NSD3: variants seen among roughly 807,000 people sequenced by gnomAD.
The protein encoded by NSD3 is nuclear receptor binding SET domain protein 3.
In NSD3, 24 loss-of-function variants were observed where a neutral mutation model predicts 160.8. That is an observed-to-expected ratio of 0.15 (90% CI 0.11 to 0.21). NSD3 has a LOEUF of 0.21. Among genes scored for constraint, NSD3 ranks in the 10% least tolerant of loss-of-function variants. The probability of loss-of-function intolerance (pLI) is 1.00; values close to 1 mark genes in which losing one functional copy is unlikely to be tolerated. For synonymous variants in NSD3, 520 were observed against 600.0 expected, an observed-to-expected ratio of 0.87 and a Z score of 1.95; for missense variants, 1,157 against 1,735.9, an observed-to-expected ratio of 0.67 and a Z score of 5.93.
chr8:38,303,488 T>C (rs192000116), intron 14 of NSD3: 74 of 695,092 alleles, frequency 1.1e-4, no homozygotes, highest in Non-Finnish European at 1.3e-4. Context: ...TAGTGTCTAC[T>C]ACAGACCCTG....
Position 38,319,266 on chromosome 8 carries a change from C to G in NSD3, c.1810-326G>C, listed in dbSNP as rs566942542. On this transcript the variant is annotated intron_variant, in intron 8 of 23. Transcript: ENST00000317025. This position sits in a 1 kb window ranked among gnomAD's most constrained non-coding sequence, Gnocchi z 4.1. ...GGCAGGAGAGGGGTTGTTTCTGCAACCGGCCCCAATGTTGCTAAAAACCCC... is the reference window on the plus strand; with the variant it reads ...GGCAGGAGAGGGGTTGTTTCTGCAAGCGGCCCCAATGTTGCTAAAAACCCC... 1 of 219,402 alleles carries G rather than the reference C, an allele frequency of 4.6e-6. No individual in the cohort carries two copies. Among genetic ancestry groups the G allele is most frequent in the South Asian group, 1.3e-4 (1 of 7,644 alleles). 13.6% of individuals were successfully genotyped at this position (219,402 alleles called of 1,614,324 possible). A position where few individuals can be genotyped will look rare whatever the true frequency, so the allele number is the denominator to read the frequency against.
intron 1 of NSD3, among the ~76,000 whole-genome samples, chr8:38,366,077 C>T (rs1015029814): frequency 2.1e-5 from 3 of 139,560 alleles, no homozygotes; most frequent in East Asian, 2.1e-4. Flanking sequence ...CACCTCTGCA[C>T]GCCAGTCTGG....
chr8:38,313,696 G>A (rs1585878275), intron 12 of NSD3, among the ~76,000 whole-genome samples: 2 of 151,730 alleles, frequency 1.3e-5, no homozygotes, highest in East Asian at 3.9e-4. Context: ...GCTGAGGCAG[G>A]AGAATGGCGT....
Position 38,288,556 on chromosome 8 carries a change from GT to G in NSD3, c.3431del (p.Tyr1144SerfsTer28). The G allele has an allele frequency of 6.2e-7, 1 of 1,614,134 alleles. No individual in the cohort carries two copies. The highest frequency in any genetic ancestry group is 8.5e-7 in the Non-Finnish European group (1 of 1,180,036). On this transcript the variant is annotated frameshift_variant, in exon 19 of 24. Transcript: ENST00000317025. LOFTEE classifies it high-confidence loss of function. This position sits in a 1 kb window ranked among gnomAD's most constrained non-coding sequence, Gnocchi z 4.5. ...CQNQCFTKRLYPDAEIIKTER... is the reference protein window; with the variant it reads ...CQNQCFTKRLXPDAEIIKTER... ...CCGTTTTGATGATCTCTGCATCAGG[GT>G]ATAGTCTCTTTGTAAAGCACTGGTT...
In NSD3 at chr8:38,348,160, A is replaced by T; in HGVS notation, c.12T>A (p.Ser4=). The T allele has an allele frequency of 6.3e-7, 1 of 1,588,464 alleles. No individual in the cohort carries two copies. Among genetic ancestry groups the T allele is most frequent in the East Asian group, 2.2e-5 (1 of 44,692 alleles). Residue 4 remains serine, a synonymous_variant, in exon 2 of 24, where the codon TCT becomes TCA. Coordinates refer to ENST00000317025, the MANE Select transcript of NSD3 (RefSeq NM_023034.2). The stretch of plus-strand genomic sequence containing the variant: ...CCATGATCCCTTGCATGAAAGAGAA[A>T]GAGAAATCCATTGTTCTGCTCCAGC... MDF[S]FSFMQGIMGN...
At chr8:38,293,009 G>T (rs576381630) in intron 16 of NSD3, among the ~76,000 whole-genome samples, 19 of 151,488 alleles carry the variant, frequency 1.3e-4, no homozygotes, top group African/African-American at 4.6e-4. Flanking sequence ...GTCATGGCAT[G>T]CATCTGTAAT....
chr8:38,322,425 T>C (rs934386789), intron 7 of NSD3, among the ~76,000 whole-genome samples: 12 of 152,026 alleles, frequency 7.9e-5, no homozygotes, highest in African/African-American at 2.7e-4. Context: ...CAGACCAACC[T>C]GAGGATCCGA....
rs2130979460 is a variant in NSD3 at position 38,276,383 on chromosome 8, C to G, written c.3985G>C (p.Asp1329His). Residue 1329 changes from aspartate to histidine, a missense_variant, in exon 23 of 24, where the codon GAT (aspartate) becomes CAT (histidine). This residue lies in a region of NSD3 where 222 missense variants were observed against 409.9 expected (regional missense o/e 0.54). Transcript: ENST00000317025. ...TCACACATGACCAGCTCTCCACCAT[C>G]TCCACATTGAAAACAGTAATCTTCA... Reference protein sequence around the residue: ...MHEDYCFQCGDGGELVMCDKK... With the variant: ...MHEDYCFQCGHGGELVMCDKK... 6.2e-7 allele frequency: 1 copy of G among 1,614,252 alleles called. No homozygotes were observed. Among genetic ancestry groups the G allele is most frequent in the South Asian group, 1.1e-5 (1 of 91,090 alleles).
Position 38,281,902 on chromosome 8 carries a change from C to T in NSD3, c.3502-319G>A, listed in dbSNP as rs192298158. Among the ~76,000 whole-genome samples, 404 of 152,244 alleles carry T rather than the reference C, an allele frequency of 2.7e-3. 2 individuals are homozygous for T. Among genetic ancestry groups the T allele is most frequent in the Non-Finnish European group, 4.6e-3 (316 of 68,004 alleles). ...GAAGCTATATTATAACAGAATTTTA[C>T]TAGTTGGTGGCTATGCAGGTTTCGG... On this transcript the variant is annotated intron_variant, in intron 19 of 23. Coordinates refer to ENST00000317025, the MANE Select transcript of NSD3 (RefSeq NM_023034.2).
chr8:38,375,811 TA>T lies in NSD3; in HGVS notation c.-45+5987del, dbSNP rs569978313. On this transcript the variant is annotated intron_variant, in intron 1 of 23. Coordinates refer to ENST00000317025, the MANE Select transcript of NSD3 (RefSeq NM_023034.2). ...TTTTCAAAAAATAATAGACTGCTTT[TA>T]AAAAAAAAGTAAAACTAAAAACAGA... is the stretch of plus-strand genomic sequence containing the variant. Among the ~76,000 whole-genome samples, 510 of 151,214 alleles carry T rather than the reference TA, an allele frequency of 3.4e-3. 2 individuals carry two copies. Among genetic ancestry groups the T allele is most frequent in the African/African-American group, 0.011 (474 of 41,346 alleles).
At chr8:38,324,911 C>T (rs1809871154) in intron 7 of NSD3, among the ~76,000 whole-genome samples, 1 of 152,224 alleles carries the variant, frequency 6.6e-6, no homozygotes, top group African/African-American at 2.4e-5. Flanking sequence ...TGTAGGGTGG[C>T]ATGGCCAGAG....
At position 38,317,074 on chromosome 8, in the gene NSD3, G is replaced by A; in HGVS notation, c.1856-1032C>T. ...ACCCAGCAAGCTATGGTGGAAGTGT[G>A]CAGTCCAGAAGAGCCCATGGAGAAA... is the stretch of plus-strand genomic sequence containing the variant. On this transcript the variant is annotated intron_variant, in intron 9 of 23. Coordinates refer to ENST00000317025, the MANE Select transcript of NSD3 (RefSeq NM_023034.2). The surrounding 1 kb of genome is among the most constrained non-coding windows in gnomAD (Gnocchi z 5.3). The A allele has an allele frequency of 9.4e-7, 1 of 1,061,002 alleles. No individual in the cohort carries two copies. Among genetic ancestry groups the A allele is most frequent in the Non-Finnish European group, 1.1e-6 (1 of 876,600 alleles). The allele number at this position is 1,061,002 out of a possible 1,614,324, so 65.7% of individuals were successfully genotyped here.
intron 1 of NSD3, among the ~76,000 whole-genome samples, chr8:38,370,046 G>A (rs12677360): frequency 0.2 from 29,819 of 151,992 alleles, 3,215 homozygotes; most frequent in East Asian, 0.31. Flanking sequence ...CACCCACCTC[G>A]GCCTCCCAAA....
intron 7 of NSD3, among the ~76,000 whole-genome samples, chr8:38,325,375 T>A (rs570626613): frequency 1.7e-3 from 265 of 152,314 alleles, no homozygotes; most frequent in African/African-American, 6.1e-3. Context: ...TCAAAACAAA[T>A]TTTTAAAGAA....
At position 38,329,993 on chromosome 8, in the gene NSD3, C is replaced by T. The variant is rs1563356800; in HGVS notation, c.1066-100G>A. On this transcript the variant is annotated intron_variant, in intron 5 of 23. Coordinates refer to ENST00000317025, the MANE Select transcript of NSD3 (RefSeq NM_023034.2). This position sits in a 1 kb window ranked among gnomAD's most constrained non-coding sequence, Gnocchi z 4.8. ...TGATCCTGTTATCTTTTCAGGTCTACATAAATATCTTCAGGTTCTTTGGTC... is the reference window on the plus strand; with the variant it reads ...TGATCCTGTTATCTTTTCAGGTCTATATAAATATCTTCAGGTTCTTTGGTC... 1 of 1,375,950 alleles carries T rather than the reference C, an allele frequency of 7.3e-7. No individual in the cohort carries two copies. Among genetic ancestry groups the T allele is most frequent in the Non-Finnish European group, 9.7e-7 (1 of 1,026,894 alleles). 85.2% of individuals were successfully genotyped at this position (1,375,950 alleles called of 1,614,324 possible).
At chr8:38,283,169 C>T (rs1023403586) in intron 19 of NSD3, among the ~76,000 whole-genome samples, 1 of 152,164 alleles carries the variant, frequency 6.6e-6, no homozygotes, top group Non-Finnish European at 1.5e-5. Flanking sequence ...AAAAGGCATA[C>T]AGTGATAAGC....
At chr8:38,347,165 A>G (rs1191035086) in intron 2 of NSD3, among the ~76,000 whole-genome samples, 1 of 152,220 alleles carries the variant, frequency 6.6e-6, no homozygotes, top group Non-Finnish European at 1.5e-5. Context: ...AAAACCCAAT[A>G]TAATTAGCTA....
At chr8:38,303,796 G>C (rs1408611578) in intron 14 of NSD3, among the ~76,000 whole-genome samples, 4 of 152,142 alleles carry the variant, frequency 2.6e-5, no homozygotes, top group African/African-American at 2.4e-5. Context: ...AGAAAACTTT[G>C]CACTTAAAAA....
rs750072695 is a variant in NSD3 at position 38,372,814 on chromosome 8, T to TAA, written c.-45+8983_-45+8984dup. On this transcript the variant is annotated intron_variant, in intron 1 of 23. Transcript: ENST00000317025. ...CCCGGCCGCAGGTTCTTACTATTAT[T>TAA]AAAAAAAAAAAAAAAACCACCAGCC... 9.6e-3 allele frequency among the ~76,000 whole-genome samples: 1,166 copies of TAA among 121,794 alleles called. 8 individuals carry two copies. The highest frequency in any genetic ancestry group is 0.036 in the Middle Eastern group (9 of 250). The allele number at this position is 121,794 out of a possible 152,430, so 79.9% of individuals were successfully genotyped here.
Sources: allele counts gnomAD v4.1 joint callset (sites outside exome capture counted in the v4.1 genomes callset), GRCh38; gene constraint gnomAD v4.1.1; regional missense constraint gnomAD v4.1.1; non-coding constraint Gnocchi (gnomAD v3.1); transcripts MANE v1.5; gene names NCBI Gene and HGNC (gene_info 2026-07-23, HGNC 2026-07-21).